WT1: variants seen among roughly 807,000 people sequenced by gnomAD.
WT1 encodes Wilms tumor protein.
WT1 carries 8 observed loss-of-function variants against 60.8 expected under a neutral mutation model. The observed-to-expected ratio is 0.13, with a 90% confidence interval of 0.08 to 0.24. The LOEUF (loss-of-function observed/expected upper bound fraction) is 0.24, where lower values mean the gene tolerates loss of function less well. Ranked by LOEUF, WT1 falls within the 10% of genes least tolerant of loss-of-function variation. The pLI is 1.00. For missense variants in WT1, 568 were observed against 711.8 expected, an observed-to-expected ratio of 0.80 and a Z score of 2.30; for synonymous variants, 312 against 297.1, an observed-to-expected ratio of 1.05 and a Z score of -0.52.
chr11:32,408,010 G>T (rs969155510), intron 5 of WT1, among the ~76,000 whole-genome samples: 8 of 151,894 alleles, frequency 5.3e-5, no homozygotes, highest in Admixed American at 2.0e-4. Flanking sequence ...ATCATTTGAG[G>T]TCAGGAGCTT....
At chr11:32,419,316 G>A (rs1160845686) in intron 3 of WT1, among the ~76,000 whole-genome samples, 1 of 152,086 alleles carries the variant, frequency 6.6e-6, no homozygotes, top group Non-Finnish European at 1.5e-5. Flanking sequence ...GTTCTCCTGC[G>A]CCTTTTCATC....
chr11:32,434,434 T>C (rs1416883087), intron 1 of WT1, among the ~76,000 whole-genome samples: 1 of 152,218 alleles, frequency 6.6e-6, no homozygotes, highest in Non-Finnish European at 1.5e-5. Context: ...TCTCGGACTC[T>C]AAGGGGCCCC....
chr11:32,396,779 C>T (rs1283396180), intron 6 of WT1, among the ~76,000 whole-genome samples: 1 of 152,170 alleles, frequency 6.6e-6, no homozygotes, highest in Non-Finnish European at 1.5e-5. Context: ...TCCAAAGTCC[C>T]AAAGTCTAAC....
intron 9 of WT1, 43 bp downstream of exon 9, chr11:32,391,929 T>TA (rs747409077): frequency 6.3e-7 from 1 of 1,583,116 alleles, no homozygotes; most frequent in Non-Finnish European, 8.7e-7. Context: ...CACAATAGTT[T>TA]AAAAAAATAA....
At chr11:32,428,256 G>A (rs1305807492) in intron 2 of WT1, among the ~76,000 whole-genome samples, 198 bp from the exon 3 acceptor site, 1 of 152,228 alleles carries the variant, frequency 6.6e-6, no homozygotes, top group Admixed American at 6.5e-5. Context: ...TCGCTGCGCT[G>A]TGCACCAAAA....
intron 5 of WT1, among the ~76,000 whole-genome samples, chr11:32,405,627 C>T (rs1352031209): frequency 8.2e-6 from 1 of 122,688 alleles, no homozygotes; most frequent in Admixed American, 8.3e-5. Flanking sequence ...TCACCTTACA[C>T]AAATGACAAC....
chr11:32,415,384 C>T (rs1399045652), intron 5 of WT1, among the ~76,000 whole-genome samples: 4 of 152,188 alleles, frequency 2.6e-5, no homozygotes, highest in South Asian at 2.1e-4. Flanking sequence ...CACGGTGGCT[C>T]ACGCCTGTAA....
In WT1 at chr11:32,435,425, G is replaced by A. The variant is rs1370028301; in HGVS notation, c.-65C>T. ...TGCCGTCCCGGCTCTGGGTGGGTGGGTGGGTGAATGAGTAGGTGGGAGGGA... is the reference window on the plus strand; with the variant it reads ...TGCCGTCCCGGCTCTGGGTGGGTGGATGGGTGAATGAGTAGGTGGGAGGGA... On this transcript the variant is annotated 5_prime_UTR_variant, in exon 1 of 10. Coordinates refer to ENST00000452863, the MANE Select transcript of WT1 (RefSeq NM_024426.6). 5 of 363,390 alleles carry A rather than the reference G, an allele frequency of 1.4e-5. No individual in the cohort carries two copies. The highest frequency in any genetic ancestry group is 2.2e-5 in the African/African-American group (1 of 44,964). 22.5% of individuals were successfully genotyped at this position (363,390 alleles called of 1,614,324 possible). A position where few individuals can be genotyped will look rare whatever the true frequency, so the allele number is the denominator to read the frequency against.
At chr11:32,390,522 C>G (rs1851785786) in intron 9 of WT1, among the ~76,000 whole-genome samples, 2 of 152,194 alleles carry the variant, frequency 1.3e-5, no homozygotes, top group Admixed American at 1.3e-4. Context: ...GGTGCCTTGG[C>G]TCTGTTTTTA....
Position 32,428,698 on chromosome 11 carries a change from C to CGG in WT1, c.662-81_662-80dup, listed in dbSNP as rs34924443. On this transcript the variant is annotated intron_variant, in intron 1 of 9. Transcript: ENST00000452863. ...GCAGTGGGTCTGAACCAGCCACGGG[C>CGG]GGGGGGGGTGTGCGCTGAACCCCGC... The CGG allele has an allele frequency of 2.3e-4, 352 of 1,528,610 alleles. 1 individual carries two copies. In the African/African-American group the frequency reaches 3.1e-3, roughly 14 times the overall value. The allele number at this position is 1,528,610 out of a possible 1,614,324, so 94.7% of individuals were successfully genotyped here. A position where few individuals can be genotyped will look rare whatever the true frequency, so the allele number is the denominator to read the frequency against.
Position 32,435,189 on chromosome 11 carries a change from G to A in WT1, c.172C>T (p.Leu58Phe), listed in dbSNP as rs1412425868. 6.5e-7 allele frequency: 1 copy of A among 1,527,062 alleles called. No homozygotes were observed. The highest frequency in any genetic ancestry group is 8.8e-7 in the Non-Finnish European group (1 of 1,142,482). The allele number at this position is 1,527,062 out of a possible 1,614,324, so 94.6% of individuals were successfully genotyped here. A position where few individuals can be genotyped will look rare whatever the true frequency, so the allele number is the denominator to read the frequency against. ...GCCCCGCGGCTCCTCCGGCCCTGGA[G>A]ACGTTCAGCGCTGGCCTCGGCGGCG... Residue 58 changes from leucine to phenylalanine, a missense_variant, in exon 1 of 10, where the codon CTC (leucine) becomes TTC (phenylalanine). Leu to Phe is a conservative substitution (Grantham distance 22). Transcript: ENST00000452863.
At chr11:32,430,731 A>T in intron 1 of WT1, 1 of 1,357,050 alleles carries the variant, frequency 7.4e-7, no homozygotes, top group South Asian at 2.1e-5. Flanking sequence ...CTCCTCCCAG[A>T]CCGGACACGC....
At chr11:32,406,238 TG>T (rs1159250895) in intron 5 of WT1, among the ~76,000 whole-genome samples, 3 of 151,558 alleles carry the variant, frequency 2.0e-5, no homozygotes, top group Non-Finnish European at 4.4e-5. Flanking sequence ...GGGGTGGAGG[TG>T]GGGGTGGTTT....
intron 3 of WT1, among the ~76,000 whole-genome samples, chr11:32,420,442 C>T (rs111366475): frequency 2.6e-5 from 4 of 152,190 alleles, no homozygotes; most frequent in Non-Finnish European, 5.9e-5. Context: ...GAAGATGATA[C>T]AGATAATATA....
At chr11:32,414,143 C>G (rs1053493339) in intron 5 of WT1, among the ~76,000 whole-genome samples, 11 of 152,210 alleles carry the variant, frequency 7.2e-5, no homozygotes, top group African/African-American at 2.7e-4. Flanking sequence ...AGGCAATTAG[C>G]TAATTGTAAT....
chr11:32,418,669 T>C (rs1249853433), intron 3 of WT1, among the ~76,000 whole-genome samples: 1 of 152,236 alleles, frequency 6.6e-6, no homozygotes, highest in Non-Finnish European at 1.5e-5. Context: ...TCTTTTAAGC[T>C]GCTTCACTGG....
chr11:32,430,456 G>GGT (rs1564997592), intron 1 of WT1: 56 of 212,052 alleles, frequency 2.6e-4, no homozygotes, highest in African/African-American at 1.8e-3. Context: ...GAGAGGGAGG[G>GGT]AGAGAGAGAG....
chr11:32,411,025 T>C (rs754595097), intron 5 of WT1, among the ~76,000 whole-genome samples: 13 of 149,952 alleles, frequency 8.7e-5, no homozygotes, highest in Non-Finnish European at 1.5e-5. Flanking sequence ...TTTGGATCAT[T>C]AAGGTATCTT....
intron 9 of WT1, among the ~76,000 whole-genome samples, chr11:32,390,446 T>C (rs1481365882): frequency 6.6e-6 from 1 of 152,156 alleles, no homozygotes; most frequent in African/African-American, 2.4e-5. Context: ...CAGGACTAAG[T>C]TAAAGAAGCA....
Sources: gnomAD v4.1 joint callset for allele counts (sites outside exome capture counted in the v4.1 genomes callset) on GRCh38, gnomAD v4.1.1 for gene constraint, MANE v1.5 for transcripts, NCBI Gene and HGNC (gene_info 2026-07-23, HGNC 2026-07-21) for gene names.